The following CSMD3 variants were observed in gnomAD, a reference collection of about 807,000 sequenced individuals.
CSMD3 encodes CUB and Sushi multiple domains 3, also known as CUB and sushi domain-containing protein 3.
CSMD3 carries 177 observed loss-of-function variants against 435.2 expected under a neutral mutation model. The ratio of observed to expected loss-of-function variants is 0.41; its 90% confidence interval spans 0.36 to 0.46. The LOEUF (loss-of-function observed/expected upper bound fraction) is 0.46. Among genes scored for constraint, CSMD3 ranks in the 20% least tolerant of loss-of-function variants. The probability of loss-of-function intolerance (pLI) is 0.34; values close to 1 mark genes in which losing one functional copy is unlikely to be tolerated. For missense variants in CSMD3, 4,265 were observed against 4,504.6 expected, an observed-to-expected ratio of 0.95 and a Z score of 1.52; for synonymous variants, 1,656 against 1,520.5, an observed-to-expected ratio of 1.09 and a Z score of -2.07.
chr8:112,852,884 T>C (rs1431187380), intron 11 of CSMD3, among the ~76,000 whole-genome samples: 1 of 151,752 alleles, frequency 6.6e-6, no homozygotes, highest in Non-Finnish European at 1.5e-5. Context: ...ATCGTGCCAC[T>C]GTACTCCAGC....
rs566154548 is a variant in CSMD3, at chr8:112,933,723, G to A, written c.1509-11972C>T. 5.3e-5 allele frequency among the ~76,000 whole-genome samples: 8 copies of A among 152,154 alleles called. No individual in the cohort carries two copies. In the South Asian group the frequency reaches 1.0e-3, roughly 20 times the overall value. On this transcript the variant is annotated intron_variant, in intron 9 of 70. Coordinates refer to ENST00000297405, the MANE Select transcript of CSMD3 (RefSeq NM_198123.2). Reference sequence around the variant, plus strand: ...CATTATTTTACATTAAAAATAATTCGACATTTTTTTTATGGTCAAATTAGA... The same window carrying A: ...CATTATTTTACATTAAAAATAATTCAACATTTTTTTTATGGTCAAATTAGA...
chr8:113,388,692 A>T (rs899269622), intron 1 of CSMD3, among the ~76,000 whole-genome samples: 1 of 151,656 alleles, frequency 6.6e-6, no homozygotes, highest in Non-Finnish European at 1.5e-5. Flanking sequence ...AAAGAAAAAC[A>T]TTTACATTGT....
chr8:112,508,836 A>G (rs1822803302), intron 28 of CSMD3, among the ~76,000 whole-genome samples: 1 of 152,014 alleles, frequency 6.6e-6, no homozygotes, highest in Admixed American at 6.6e-5. Context: ...TGAAGGGGAC[A>G]TCTACTCTCA....
intron 11 of CSMD3, among the ~76,000 whole-genome samples, chr8:112,833,937 T>A (rs2079950334): frequency 6.6e-6 from 1 of 151,960 alleles, no homozygotes; most frequent in Admixed American, 6.6e-5. Context: ...AGAGAATGTT[T>A]CCTTTCATAT....
At chr8:112,291,027 G>C (rs1819711297) in intron 56 of CSMD3, among the ~76,000 whole-genome samples, 1 of 151,954 alleles carries the variant, frequency 6.6e-6, no homozygotes, top group Non-Finnish European at 1.5e-5. Flanking sequence ...CTAGAAAGAT[G>C]ATGTATATTA....
chr8:112,497,825 G>A (rs931141257), intron 30 of CSMD3, among the ~76,000 whole-genome samples: 3 of 152,010 alleles, frequency 2.0e-5, no homozygotes, highest in Non-Finnish European at 2.9e-5. Flanking sequence ...AAATAAGGAA[G>A]CTGATAAGAC....
At chr8:112,952,632 T>A (rs889441342) in intron 8 of CSMD3, among the ~76,000 whole-genome samples, 1 of 151,508 alleles carries the variant, frequency 6.6e-6, no homozygotes, top group African/African-American at 2.4e-5. Context: ...AAATTTAAAA[T>A]AATGTTGGCT....
In CSMD3 at chr8:112,966,545, T is replaced by C. The variant is rs1174721454; in HGVS notation, c.1342+9292A>G. ...ATCAACCTTTCAGGGATTTGAAACA[T>C]GGTAAGTAAAGGGAAACTAAACCCT... On this transcript the variant is annotated intron_variant, in intron 7 of 70. Transcript: ENST00000297405. 7.9e-5 allele frequency among the ~76,000 whole-genome samples: 12 copies of C among 151,586 alleles called. No individual in the cohort carries two copies. The Admixed American group carries it at 7.9e-4, about 10-fold the overall frequency.
chr8:113,103,835 G>T (rs534833372), intron 4 of CSMD3, among the ~76,000 whole-genome samples: 1 of 151,760 alleles, frequency 6.6e-6, no homozygotes, highest in African/African-American at 2.4e-5. Context: ...AAAGTGAAAA[G>T]GTTTTTAAAA....
chr8:112,574,082 G>A (rs1247737851), intron 23 of CSMD3, among the ~76,000 whole-genome samples: 2 of 151,854 alleles, frequency 1.3e-5, no homozygotes, highest in Admixed American at 6.6e-5. Context: ...TTTGTGTCTG[G>A]TGCAATTGTA....
chr8:113,148,482 T>C (rs879005950), intron 4 of CSMD3, among the ~76,000 whole-genome samples: 2 of 151,852 alleles, frequency 1.3e-5, no homozygotes, highest in Admixed American at 1.3e-4. Context: ...TTTATACTTT[T>C]ATCTGCTTAT....
Position 112,336,825 on chromosome 8 carries a change from A to G in CSMD3, c.6846T>C (p.Leu2282=). 6.2e-7 allele frequency: 1 copy of G among 1,612,330 alleles called. No individual in the cohort carries two copies. Among genetic ancestry groups the G allele is most frequent in the Non-Finnish European group, 8.5e-7 (1 of 1,178,500 alleles). The change falls in exon 44 of 71, where the codon CTT becomes CTC. Residue 2282 remains leucine, a synonymous_variant. Coordinates refer to ENST00000297405, the MANE Select transcript of CSMD3 (RefSeq NM_198123.2). ...WNHPLPRCEA[L]CGGNITAMNG... ...TCATTGCAGTTATATTCCCACCACA[A>G]AGAGCTACGGAAAAAGTCACAAAAC...
intron 10 of CSMD3, among the ~76,000 whole-genome samples, chr8:112,893,196 A>G (rs2081852067): frequency 6.6e-6 from 1 of 151,434 alleles, no homozygotes; most frequent in South Asian, 2.1e-4. Context: ...TTATCTTAAC[A>G]AACTCTCACA....
chr8:112,649,123 C>T (rs2075058121), intron 19 of CSMD3, among the ~76,000 whole-genome samples: 1 of 152,124 alleles, frequency 6.6e-6, no homozygotes, highest in Admixed American at 6.6e-5. Context: ...TGTGAATACA[C>T]AAAGAAAAGT....
At chr8:112,312,830 T>A (rs577273736) in intron 49 of CSMD3, among the ~76,000 whole-genome samples, 1 of 152,312 alleles carries the variant, frequency 6.6e-6, no homozygotes, top group African/African-American at 2.4e-5. Context: ...AGTATACTTT[T>A]TAGAACTGAA....
chr8:112,721,500 C>T (rs148657391), intron 13 of CSMD3, among the ~76,000 whole-genome samples: 1 of 152,056 alleles, frequency 6.6e-6, no homozygotes, highest in African/African-American at 2.4e-5. Context: ...CACCTGAACC[C>T]GGAAGGCGGA....
chr8:112,609,348 G>A (rs1239949702), intron 22 of CSMD3, among the ~76,000 whole-genome samples: 1 of 151,484 alleles, frequency 6.6e-6, no homozygotes, highest in African/African-American at 2.4e-5. Flanking sequence ...TAGGTAATGG[G>A]CTAGACGTTT....
At chr8:112,965,172 C>T (rs1290983148) in intron 7 of CSMD3, among the ~76,000 whole-genome samples, 3 of 151,918 alleles carry the variant, frequency 2.0e-5, no homozygotes, top group Non-Finnish European at 4.4e-5. Flanking sequence ...AGTCTAGCCC[C>T]ATCAAAATAT....
At chr8:113,317,006 G>A (rs1300113521) in intron 1 of CSMD3, among the ~76,000 whole-genome samples, 1 of 151,972 alleles carries the variant, frequency 6.6e-6, no homozygotes, top group African/African-American at 2.4e-5. Context: ...TTAAGCCTGG[G>A]ATATTTGGTA....
Sources: allele counts gnomAD v4.1 joint callset (sites outside exome capture counted in the v4.1 genomes callset), GRCh38; gene constraint gnomAD v4.1.1; transcripts MANE v1.5; gene names NCBI Gene and HGNC (gene_info 2026-07-23, HGNC 2026-07-21).